The following KCNJ3 variants were observed in gnomAD, a reference collection of about 807,000 sequenced individuals.
KCNJ3 encodes the protein potassium inwardly rectifying channel subfamily J member 3.
In KCNJ3, 4 loss-of-function variants were observed where a neutral mutation model predicts 39.2. The observed-to-expected ratio is 0.10, with a 90% CI of 0.05 to 0.23. The LOEUF is 0.23. Among genes scored for constraint, KCNJ3 ranks in the 10% least tolerant of loss-of-function variants. KCNJ3 has a pLI of 1.00. For synonymous variants in KCNJ3, 230 were observed against 237.4 expected, an observed-to-expected ratio of 0.97 and a Z score of 0.29; for missense variants, 276 against 634.9, an observed-to-expected ratio of 0.43 and a Z score of 6.08.
chr2:154,792,969 TGAAA>T (rs1686660274), intron 2 of KCNJ3, among the ~76,000 whole-genome samples: 1 of 152,108 alleles, frequency 6.6e-6, no homozygotes, highest in South Asian at 2.1e-4. Flanking sequence ...CAGTTTTATT[TGAAA>T]GAAAGGCCAG....
chr2:154,764,237 A>G (rs1686094836), intron 2 of KCNJ3, among the ~76,000 whole-genome samples: 1 of 152,192 alleles, frequency 6.6e-6, no homozygotes. Flanking sequence ...GGGTGAAAAT[A>G]TCTCTGATTA....
intron 2 of KCNJ3, among the ~76,000 whole-genome samples, chr2:154,772,649 A>G (rs1222269733): frequency 2.6e-5 from 4 of 152,178 alleles, no homozygotes; most frequent in African/African-American, 9.7e-5. Context: ...GTACTGTGTA[A>G]TGAATGAATG....
intron 2 of KCNJ3, among the ~76,000 whole-genome samples, chr2:154,743,597 AT>A (rs559982564): frequency 2.3e-4 from 35 of 149,372 alleles, no homozygotes; most frequent in South Asian, 1.7e-3. Flanking sequence ...TACATGCTGT[AT>A]TTTTTTTTGT....
chr2:154,785,086 A>C (rs566737355), intron 2 of KCNJ3, among the ~76,000 whole-genome samples: 31 of 152,330 alleles, frequency 2.0e-4, no homozygotes, highest in African/African-American at 7.2e-4. Flanking sequence ...CATGAGTGAA[A>C]TATTACTCCA....
chr2:154,710,358 T>G (rs1313219482), intron 2 of KCNJ3, among the ~76,000 whole-genome samples: 1 of 152,174 alleles, frequency 6.6e-6, no homozygotes, highest in Non-Finnish European at 1.5e-5. Context: ...CAGCTGAACC[T>G]TGACCAAAAT....
chr2:154,776,830 T>C (rs796960435), intron 2 of KCNJ3, among the ~76,000 whole-genome samples: 8 of 152,186 alleles, frequency 5.3e-5, no homozygotes, highest in African/African-American at 1.9e-4. Context: ...GGTCTTTATT[T>C]TTACATTTCT....
In KCNJ3 at chr2:154,698,953, C is replaced by T; in HGVS notation, c.178C>T (p.Leu60=). The T allele has an allele frequency of 6.2e-7, 1 of 1,614,194 alleles. No homozygotes were observed. Among genetic ancestry groups the T allele is most frequent in the East Asian group, 2.2e-5 (1 of 44,840 alleles). Residue 60 remains leucine (L), a synonymous_variant, in exon 1 of 3, where the codon CTG becomes TTG. Coordinates refer to ENST00000295101, the MANE Select transcript of KCNJ3 (RefSeq NM_002239.4). ...NGRCNVQHGN[L]GSETSRYLSD... ...CCGGTGCAATGTACAGCACGGCAAC[C>T]TGGGCAGCGAGACAAGCCGCTACCT... is the stretch of plus-strand genomic sequence containing the variant.
chr2:154,855,272 C>T lies in KCNJ3; in HGVS notation c.1465C>T (p.Pro489Ser). 6.2e-7 allele frequency: 1 copy of T among 1,609,188 alleles called. No homozygotes were observed. The highest frequency in any genetic ancestry group is 8.5e-7 in the Non-Finnish European group (1 of 1,178,712). Residue 489 changes from proline to serine, a missense_variant, in exon 3 of 3, where the codon CCA (proline) becomes TCA (serine). Around this residue, in one of 4 missense-constraint regions of KCNJ3, gnomAD observed 126 missense variants for 179.8 expected, o/e 0.70. Transcript: ENST00000295101. The stretch of plus-strand genomic sequence containing the variant: ...AGCAGCTAGGATGGAAGGGAACCTT[C>T]CAGCCAAATTAAGAAAAATGAACTC... ...GGAARMEGNL[P>S]AKLRKMNSDR... is the part of the protein sequence containing the mutation.
At chr2:154,755,897 T>A (rs1685928765) in intron 2 of KCNJ3, among the ~76,000 whole-genome samples, 1 of 152,128 alleles carries the variant, frequency 6.6e-6, no homozygotes. Flanking sequence ...AGTTTTTTCA[T>A]GTGTGAAATA....
rs968224688 is a variant in KCNJ3 at position 154,844,521 on chromosome 2, G to A, written c.920-10206G>A. Among the ~76,000 whole-genome samples the A allele has an allele frequency of 2.0e-5, 3 of 152,246 alleles. No individual in the cohort carries two copies. The East Asian group carries it at 5.8e-4, about 29-fold the overall frequency. ...ACGTTTAAATCTGCAGAAGTTGTCT[G>A]CTGCCTTTTGTTCAGCTATGTCCTG... is the stretch of plus-strand genomic sequence containing the variant. On this transcript the variant is annotated intron_variant, in intron 2 of 2. Transcript: ENST00000295101.
At chr2:154,769,344 A>G (rs181398950) in intron 2 of KCNJ3, among the ~76,000 whole-genome samples, 4,151 of 152,220 alleles carry the variant, frequency 0.027, 88 homozygotes, top group Non-Finnish European at 0.039. Context: ...AGCTCTTATT[A>G]TTTTGAGATA....
intron 2 of KCNJ3, among the ~76,000 whole-genome samples, chr2:154,844,857 T>C (rs2091379167): frequency 6.6e-6 from 1 of 152,156 alleles, no homozygotes; most frequent in Non-Finnish European, 1.5e-5. Context: ...CTGCCATGGC[T>C]TCCCATGGCT....
At chr2:154,774,690 A>T (rs1409653866) in intron 2 of KCNJ3, among the ~76,000 whole-genome samples, 2 of 152,158 alleles carry the variant, frequency 1.3e-5, no homozygotes, top group Admixed American at 1.3e-4. Context: ...AAACCTTAAA[A>T]TTCTGAAGAT....
chr2:154,806,747 T>A (rs1006951616), intron 2 of KCNJ3, among the ~76,000 whole-genome samples: 14 of 152,184 alleles, frequency 9.2e-5, no homozygotes, highest in Middle Eastern at 3.2e-3. Context: ...CTACACTATT[T>A]ACCTCAACCA....
intron 2 of KCNJ3, among the ~76,000 whole-genome samples, chr2:154,777,842 G>A (rs1242852324): frequency 6.6e-6 from 1 of 152,112 alleles, no homozygotes; most frequent in Non-Finnish European, 1.5e-5. Flanking sequence ...AACATACTGA[G>A]GAGAAAAAGG....
At chr2:154,772,392 C>CT (rs1218489672) in intron 2 of KCNJ3, among the ~76,000 whole-genome samples, 1 of 151,910 alleles carries the variant, frequency 6.6e-6, no homozygotes, top group African/African-American at 2.4e-5. Context: ...CAAAGTGTTT[C>CT]TTTTTTTATC....
At chr2:154,818,857 A>G (rs1243450198) in intron 2 of KCNJ3, among the ~76,000 whole-genome samples, 3 of 149,102 alleles carry the variant, frequency 2.0e-5, no homozygotes, top group East Asian at 2.0e-4. Flanking sequence ...TTTTGTTAGA[A>G]TTCAGCAGCC....
intron 2 of KCNJ3, among the ~76,000 whole-genome samples, chr2:154,823,406 CTTTT>C (rs55722860): frequency 2.7e-5 from 4 of 145,542 alleles, no homozygotes; most frequent in Non-Finnish European, 3.0e-5. Context: ...TTTCCACATT[CTTTT>C]TTTTTTTTTT....
rs1479248323 is a variant in KCNJ3, at chr2:154,723,614, T to G, written c.919+13795T>G. 2.9e-5 allele frequency among the ~76,000 whole-genome samples: 4 copies of G among 137,860 alleles called. No homozygotes were observed. The Admixed American group carries it at 2.9e-4, about 10-fold the overall frequency. The allele number at this position is 137,860 out of a possible 152,430, so 90.4% of individuals were successfully genotyped here. On this transcript the variant is annotated intron_variant, in intron 2 of 2. Transcript: ENST00000295101. ...TAATATTGTCTTTCTCATTTTATTA[T>G]GTTTTGTGTTTGTTTTGTCCCTTTT...
Sources: gnomAD v4.1 joint callset for allele counts (sites outside exome capture counted in the v4.1 genomes callset) on GRCh38, gnomAD v4.1.1 for gene constraint, gnomAD v4.1.1 regional missense constraint, MANE v1.5 for transcripts, NCBI Gene and HGNC (gene_info 2026-07-23, HGNC 2026-07-21) for gene names.